The following MYO16 variants were observed in gnomAD, a reference collection of about 807,000 sequenced individuals.
MYO16 encodes the protein unconventional myosin-XVI.
MYO16 carries 94 observed loss-of-function variants against 205.3 expected under a neutral mutation model. That is an observed-to-expected ratio of 0.46 (90% CI 0.39 to 0.54). MYO16 has a LOEUF of 0.54. MYO16 is among the 20% of genes least tolerant of loss of function. The pLI is 0.00. For synonymous variants in MYO16, 988 were observed against 954.0 expected, an observed-to-expected ratio of 1.04 and a Z score of -0.66; for missense variants, 2,315 against 2,387.5, an observed-to-expected ratio of 0.97 and a Z score of 0.63.
intron 2 of MYO16, among the ~76,000 whole-genome samples, chr13:108,682,839 G>A (rs994080185): frequency 9.9e-5 from 15 of 152,140 alleles, no homozygotes; most frequent in Admixed American, 6.5e-5. Context: ...CCCCTGGTTA[G>A]GACTGATAGT....
intron 32 of MYO16, among the ~76,000 whole-genome samples, chr13:109,146,219 A>G (rs996503330): frequency 2.6e-5 from 4 of 152,208 alleles, no homozygotes; most frequent in African/African-American, 9.6e-5. Flanking sequence ...AATTTCAAAT[A>G]TTTTATTTGA....
At chr13:109,161,623 T>C (rs1405884118) in intron 32 of MYO16, among the ~76,000 whole-genome samples, 1 of 152,236 alleles carries the variant, frequency 6.6e-6, no homozygotes, top group African/African-American at 2.4e-5. Flanking sequence ...TGACCATTAG[T>C]TCTTATGCCT....
chr13:108,654,659 A>G (rs915940931), intron 1 of MYO16, among the ~76,000 whole-genome samples: 8 of 152,128 alleles, frequency 5.3e-5, no homozygotes, highest in Admixed American at 1.3e-4. Flanking sequence ...CTCAGAAGAA[A>G]ACAGGAAAAT....
intron 1 of MYO16, among the ~76,000 whole-genome samples, chr13:108,660,887 A>G (rs1236080135): frequency 1.3e-5 from 2 of 151,914 alleles, no homozygotes; most frequent in Admixed American, 1.3e-4. Context: ...TGTTTTATGG[A>G]TCCTGTGTGC....
chr13:108,818,980 T>C (rs1170295057), intron 7 of MYO16, among the ~76,000 whole-genome samples: 1 of 152,152 alleles, frequency 6.6e-6, no homozygotes, highest in Non-Finnish European at 1.5e-5. Flanking sequence ...AAGTAGAACG[T>C]AGAGCAGCAG....
rs191629719 is a variant in MYO16, at chr13:109,030,819, C to T, written c.2796+10908C>T. ...CTCCCACTCTTTCTCTCTCAACTCA[C>T]CTCAAAAAAGTAAAAAAGAAAATAA... On this transcript the variant is annotated intron_variant, in intron 23 of 34. Coordinates refer to ENST00000457511, the MANE Select transcript of MYO16 (RefSeq NM_001198950.3). Among the ~76,000 whole-genome samples, 477 of 152,180 alleles carry T rather than the reference C, an allele frequency of 3.1e-3. 1 individual carries two copies. Among genetic ancestry groups the T allele is most frequent in the African/African-American group, 0.011 (465 of 41,524 alleles).
chr13:108,949,516 GA>G (rs530631154), intron 16 of MYO16, among the ~76,000 whole-genome samples: 1 of 148,692 alleles, frequency 6.7e-6, no homozygotes, highest in African/African-American at 2.5e-5. Flanking sequence ...GGCTGAAAAT[GA>G]AAAAAAAATA....
At chr13:109,022,401 A>G (rs1407718852) in intron 23 of MYO16, among the ~76,000 whole-genome samples, 2 of 5,996 alleles carry the variant, frequency 3.3e-4, no homozygotes, top group Non-Finnish European at 1.6e-3. Flanking sequence ...ATATATGTAT[A>G]TATGTATATA....
At chr13:109,064,385 G>A (rs1373580518) in intron 27 of MYO16, among the ~76,000 whole-genome samples, 1 of 152,172 alleles carries the variant, frequency 6.6e-6, no homozygotes, top group Non-Finnish European at 1.5e-5. Context: ...CTACTCTTCA[G>A]TAGATCTCAA....
intron 31 of MYO16, among the ~76,000 whole-genome samples, chr13:109,131,938 G>A (rs1876561079): frequency 6.6e-6 from 1 of 152,226 alleles, no homozygotes; most frequent in African/African-American, 2.4e-5. Context: ...GCCCATGTAT[G>A]TCAAGTAGCA....
chr13:108,772,644 T>C (rs950926373), intron 4 of MYO16, among the ~76,000 whole-genome samples: 18 of 152,192 alleles, frequency 1.2e-4, no homozygotes, highest in African/African-American at 4.1e-4. Context: ...GAAATTTGAA[T>C]GTTAACTGTG....
At chr13:108,945,487 T>A (rs997483532) in intron 16 of MYO16, among the ~76,000 whole-genome samples, 3 of 152,210 alleles carry the variant, frequency 2.0e-5, no homozygotes. Context: ...TAGAAATTAT[T>A]TTTAAAATAG....
intron 7 of MYO16, among the ~76,000 whole-genome samples, chr13:108,808,080 A>G (rs946861685): frequency 6.6e-6 from 1 of 152,104 alleles, no homozygotes; most frequent in African/African-American, 2.4e-5. Flanking sequence ...AGTAATGACC[A>G]AGGCAGAAAA....
intron 11 of MYO16, among the ~76,000 whole-genome samples, chr13:108,860,008 C>CT (rs1333075619): frequency 2.0e-5 from 3 of 151,758 alleles, no homozygotes; most frequent in African/African-American, 4.9e-5. Flanking sequence ...GTAGCAGAGC[C>CT]TCTTTTTTTT....
intron 3 of MYO16, among the ~76,000 whole-genome samples, chr13:108,719,030 C>T (rs1884057850): frequency 1.3e-5 from 2 of 152,210 alleles, no homozygotes; most frequent in Middle Eastern, 3.4e-3. Context: ...CTGATTTGCT[C>T]TGCATCAGAT....
At chr13:108,618,282 T>A (rs185859712) in intron 1 of MYO16, among the ~76,000 whole-genome samples, 129 of 152,200 alleles carry the variant, frequency 8.5e-4, no homozygotes, top group African/African-American at 2.5e-3. Flanking sequence ...CTACAGACTC[T>A]CTCCCAAGAT....
At chr13:108,731,489 C>T (rs1884520746) in intron 4 of MYO16, among the ~76,000 whole-genome samples, 1 of 152,160 alleles carries the variant, frequency 6.6e-6, no homozygotes, top group African/African-American at 2.4e-5. Context: ...CACAAATCAT[C>T]TCAATATCTG....
intron 4 of MYO16, among the ~76,000 whole-genome samples, chr13:108,744,684 A>AT (rs1453102805): frequency 1.3e-5 from 2 of 152,200 alleles, no homozygotes; most frequent in Non-Finnish European, 2.9e-5. Flanking sequence ...TGTTTATCTT[A>AT]CTTCATATAT....
chr13:109,057,631 C>T (rs1000728022), intron 27 of MYO16, among the ~76,000 whole-genome samples: 2 of 152,036 alleles, frequency 1.3e-5, no homozygotes, highest in Admixed American at 6.6e-5. Flanking sequence ...AGATGCCGAA[C>T]CTGTTAAGAG....
Sources: allele counts gnomAD v4.1 joint callset (sites outside exome capture counted in the v4.1 genomes callset), GRCh38; gene constraint gnomAD v4.1.1; transcripts MANE v1.5; gene names NCBI Gene and HGNC (gene_info 2026-07-23, HGNC 2026-07-21).